MMS22L: variants seen among roughly 807,000 people sequenced by gnomAD.
MMS22L encodes the protein MMS22 like, DNA repair protein, also known as protein MMS22-like.
Under a neutral mutation model 159.1 loss-of-function variants are expected in MMS22L, and 74 were observed. The ratio of observed to expected loss-of-function variants is 0.47; its 90% CI spans 0.39 to 0.56. MMS22L has a LOEUF of 0.56. Ranked by LOEUF, MMS22L falls within the 20% of genes least tolerant of loss-of-function variation. MMS22L has a pLI of 0.00. For synonymous variants in MMS22L, 517 were observed against 506.9 expected, an observed-to-expected ratio of 1.02 and a Z score of -0.27; for missense variants, 1,351 against 1,422.1, an observed-to-expected ratio of 0.95 and a Z score of 0.80.
At position 97,145,382 on chromosome 6, in the gene MMS22L, G is replaced by A. The variant is rs750948713; in HGVS notation, c.*1424C>T. The A allele has an allele frequency of 6.6e-6, 1 of 152,162 alleles. No individual in the cohort carries two copies. The highest frequency in any genetic ancestry group is 1.5e-5 in the Non-Finnish European group (1 of 68,002). 9.4% of individuals were successfully genotyped at this position (152,162 alleles called of 1,614,324 possible). On this transcript the variant is annotated 3_prime_UTR_variant, in exon 25 of 25. Coordinates refer to ENST00000683635, the MANE Select transcript of MMS22L (RefSeq NM_001350599.2). ...GATTGCAAAGTATTTCATTTTTAAA[G>A]ATACTCCTTGAGCCAGAGAAGGGTT...
intron 14 of MMS22L, among the ~76,000 whole-genome samples, chr6:97,226,818 G>A: frequency 6.6e-6 from 1 of 151,998 alleles, no homozygotes; most frequent in Non-Finnish European, 1.5e-5. Context: ...GCTGAAGATG[G>A]GCGACATAAT....
In MMS22L at chr6:97,186,698, G is replaced by T. The variant is rs1295534387; in HGVS notation, c.2040-8C>A. The T allele has an allele frequency of 1.3e-6, 2 of 1,501,394 alleles. No individual in the cohort carries two copies. Among genetic ancestry groups the T allele is most frequent in the African/African-American group, 1.4e-5 (1 of 69,698 alleles). The allele number at this position is 1,501,394 out of a possible 1,614,324, so 93.0% of individuals were successfully genotyped here. ...AATTGTTGATGCATACTCCTAAAAA[G>T]AAATAAAAATACAGCTAACACCCTT... is the stretch of plus-strand genomic sequence containing the variant. On this transcript the variant is annotated splice_region_variant and splice_polypyrimidine_tract_variant and intron_variant, in intron 14 of 24. Coordinates refer to ENST00000683635, the MANE Select transcript of MMS22L (RefSeq NM_001350599.2).
intron 10 of MMS22L, among the ~76,000 whole-genome samples, chr6:97,246,903 G>A (rs903890478): frequency 6.6e-6 from 1 of 151,692 alleles, no homozygotes; most frequent in Non-Finnish European, 1.5e-5. Context: ...AACCATATCA[G>A]GAGTTGTAAC....
chr6:97,157,715 G>GT (rs1197901688), intron 22 of MMS22L, among the ~76,000 whole-genome samples: 2 of 152,142 alleles, frequency 1.3e-5, no homozygotes, highest in African/African-American at 4.8e-5. Context: ...GCTGGCTTCG[G>GT]TTTGCCAGTA....
intron 7 of MMS22L, among the ~76,000 whole-genome samples, chr6:97,268,406 T>C (rs1385585358): frequency 6.6e-6 from 1 of 152,094 alleles, no homozygotes; most frequent in Non-Finnish European, 1.5e-5. Flanking sequence ...GCCAGGATGG[T>C]CTCAATCTCC....
intron 14 of MMS22L, among the ~76,000 whole-genome samples, chr6:97,191,371 G>C (rs1230504723): frequency 6.6e-6 from 1 of 151,982 alleles, no homozygotes; most frequent in Non-Finnish European, 1.5e-5. Flanking sequence ...TATAGAATAA[G>C]GTATGACATC....
chr6:97,257,446 T>C (rs1813943861), intron 9 of MMS22L, among the ~76,000 whole-genome samples: 1 of 152,146 alleles, frequency 6.6e-6, no homozygotes, highest in Non-Finnish European at 1.5e-5. Flanking sequence ...TGTCTGACAT[T>C]ACACATTTTA....
At chr6:97,183,496 C>G (rs1250098232) in intron 15 of MMS22L, among the ~76,000 whole-genome samples, 1 of 152,106 alleles carries the variant, frequency 6.6e-6, no homozygotes, top group Non-Finnish European at 1.5e-5. Context: ...TTAGAATTGG[C>G]CAGCATTCCT....
chr6:97,239,880 C>T (rs979504714), intron 11 of MMS22L, among the ~76,000 whole-genome samples: 2 of 152,180 alleles, frequency 1.3e-5, no homozygotes, highest in Non-Finnish European at 2.9e-5. Flanking sequence ...TACTCCAATC[C>T]AGCCTGGGTG....
At chr6:97,237,672 A>G (rs1182699570) in intron 11 of MMS22L, among the ~76,000 whole-genome samples, 2 of 152,202 alleles carry the variant, frequency 1.3e-5, no homozygotes, top group African/African-American at 4.8e-5. Context: ...CTGGGTTCTG[A>G]TGCTTCTTCC....
chr6:97,258,167 C>T (rs113965244), intron 9 of MMS22L, among the ~76,000 whole-genome samples: 2 of 152,156 alleles, frequency 1.3e-5, no homozygotes, highest in African/African-American at 4.8e-5. Context: ...TGTATCAAAA[C>T]AGTATTTGTC....
chr6:97,249,148 A>T (rs889159352), intron 10 of MMS22L, among the ~76,000 whole-genome samples: 1 of 152,128 alleles, frequency 6.6e-6, no homozygotes, highest in African/African-American at 2.4e-5. Flanking sequence ...TACATAATGG[A>T]ACTCCCATAA....
At chr6:97,182,915 T>C (rs917020316) in intron 15 of MMS22L, among the ~76,000 whole-genome samples, 1 of 152,136 alleles carries the variant, frequency 6.6e-6, no homozygotes, top group African/African-American at 2.4e-5. Context: ...TTGTAGACTG[T>C]AGCTCACTAT....
intron 9 of MMS22L, chr6:97,260,431 A>G (rs1186452572): frequency 6.6e-6 from 1 of 151,996 alleles, no homozygotes; most frequent in African/African-American, 2.4e-5. Context: ...ATTTAAGTCT[A>G]TTCTCCCTCA....
rs1266298844 is a variant in MMS22L, at chr6:97,179,412, T to C, written c.2532A>G (p.Ala844=). 2 of 1,612,006 alleles carry C rather than the reference T, an allele frequency of 1.2e-6. No individual in the cohort carries two copies. The highest frequency in any genetic ancestry group is 2.7e-5 in the African/African-American group (2 of 74,876). The part of the protein sequence containing the change: ...DLLIDKNLEE[A]VEKEYMKQLV... ...AAAAAACGTACACTTACTTACCAAC[T>C]GCCTCTTCCAGATTTTTATCTATGA... The change falls in exon 17 of 25, where the codon GCA becomes GCG. Residue 844 remains alanine, a synonymous_variant. Transcript: ENST00000683635.
chr6:97,246,637 G>T lies in MMS22L; in HGVS notation c.1173C>A (p.Ile391=), dbSNP rs1472566568. Residue 391 remains isoleucine (I), a synonymous_variant, in exon 11 of 25, where the codon ATC becomes ATA. Transcript: ENST00000683635. The part of the protein sequence containing the change: ...NFVEELLKKS[I]SVQGVILEEQ... ...TACTTTAATTGCATACCTGAACACT[G>T]ATGGACTTTTTCAGCAGTTCTTCTA... is the stretch of plus-strand genomic sequence containing the variant. The T allele has an allele frequency of 6.2e-7, 1 of 1,610,960 alleles. No individual in the cohort carries two copies. Among genetic ancestry groups the T allele is most frequent in the Admixed American group, 1.7e-5 (1 of 59,650 alleles).
intron 22 of MMS22L, among the ~76,000 whole-genome samples, chr6:97,153,695 T>C (rs1299953071): frequency 1.3e-5 from 2 of 152,148 alleles, no homozygotes; most frequent in African/African-American, 4.8e-5. Context: ...TTAACTATTC[T>C]GGATATTTCA....
chr6:97,202,401 A>G (rs1032316655), intron 14 of MMS22L, among the ~76,000 whole-genome samples: 1 of 152,210 alleles, frequency 6.6e-6, no homozygotes, highest in Non-Finnish European at 1.5e-5. Context: ...ATATATATAG[A>G]GCAAAGCTGC....
intron 15 of MMS22L, among the ~76,000 whole-genome samples, chr6:97,183,359 A>G (rs1804917313): frequency 6.6e-6 from 1 of 152,106 alleles, no homozygotes; most frequent in Admixed American, 6.6e-5. Flanking sequence ...CTCGCCTGGA[A>G]AAATCATCAC....
Sources: allele counts gnomAD v4.1 joint callset (sites outside exome capture counted in the v4.1 genomes callset), GRCh38; gene constraint gnomAD v4.1.1; transcripts MANE v1.5; gene names NCBI Gene and HGNC (gene_info 2026-07-23, HGNC 2026-07-21).